Variants in PCCB observed in about 807,000 individuals in gnomAD.
PCCB encodes propionyl-CoA carboxylase beta chain, mitochondrial.
PCCB carries 43 observed loss-of-function variants against 60.7 expected under a neutral mutation model. That is an observed-to-expected ratio of 0.71 (90% CI 0.55 to 0.91). The LOEUF (loss-of-function observed/expected upper bound fraction) is 0.91. Among genes scored for constraint, PCCB ranks in the 40% least tolerant of loss-of-function variants. The pLI, the probability that PCCB is intolerant of heterozygous loss-of-function variation, is 0.00. For missense variants in PCCB, 766 were observed against 702.8 expected (o/e 1.09, Z -1.02); for synonymous variants, 276 against 255.9 (o/e 1.08, Z -0.75).
chr3:136,255,074 C>A (rs1318378369), intron 1 of PCCB, among the ~76,000 whole-genome samples: 1 of 151,944 alleles, frequency 6.6e-6, no homozygotes, highest in Non-Finnish European at 1.5e-5. Flanking sequence ...TGGGGTTTCT[C>A]CATGTTGGTC....
In PCCB at chr3:136,263,425, C is replaced by T. The variant is rs541794212; in HGVS notation, c.543+1360C>T. Among the ~76,000 whole-genome samples, 4 of 151,912 alleles carry T rather than the reference C, an allele frequency of 2.6e-5. No homozygotes were observed. In the South Asian group the frequency reaches 8.3e-4, roughly 32 times the overall value. On this transcript the variant is annotated intron_variant, in intron 5 of 14. Coordinates refer to ENST00000251654, the MANE Select transcript of PCCB (RefSeq NM_000532.5). The stretch of plus-strand genomic sequence containing the variant: ...GCACCACAGGCATGCACCACCACAT[C>T]CGGTGAATTTTTTTTTGTATTTTTT...
chr3:136,328,647 C>T, intron 13 of PCCB, 111 bp from the exon 14 acceptor site: 1 of 824,976 alleles, frequency 1.2e-6, no homozygotes, highest in Non-Finnish European at 2.1e-6. Flanking sequence ...CACTTCCCCT[C>T]AGTACACTGA....
rs1269413374 is a variant in PCCB at position 136,293,837 on chromosome 3, G to A, written c.736G>A (p.Gly246Ser). 6.2e-7 allele frequency: 1 copy of A among 1,610,172 alleles called. No homozygotes were observed. Residue 246 changes from glycine to serine, a missense_variant, in exon 7 of 15, where the codon GGT becomes AGT. Gly to Ser is a moderately conservative substitution (Grantham distance 56). Coordinates refer to ENST00000251654, the MANE Select transcript of PCCB (RefSeq NM_000532.5). ...GGATGTTACCCAGGAGGAGCTCGGT[G>A]GTGCCAAGACCCACACCACCATGTC... ...NEDVTQEELGGAKTHTTMSGV... is the reference protein window; with the variant it reads ...NEDVTQEELGSAKTHTTMSGV...
intron 5 of PCCB, among the ~76,000 whole-genome samples, chr3:136,283,442 T>G (rs148687049): frequency 2.0e-5 from 3 of 152,214 alleles, no homozygotes; most frequent in Admixed American, 2.0e-4. Flanking sequence ...GGTGCCAAGA[T>G]AAGTGTTGGC....
At chr3:136,300,062 A>G (rs901284077) in intron 8 of PCCB, among the ~76,000 whole-genome samples, 2 of 151,466 alleles carry the variant, frequency 1.3e-5, no homozygotes, top group Non-Finnish European at 2.9e-5. Context: ...ACACATGCAT[A>G]TCAACACATA....
chr3:136,263,648 G>A (rs1396740056), intron 5 of PCCB, among the ~76,000 whole-genome samples: 1 of 152,046 alleles, frequency 6.6e-6, no homozygotes, highest in Non-Finnish European at 1.5e-5. Context: ...AATGCTGCTT[G>A]TCATATTGAT....
chr3:136,274,388 T>C (rs1410248673), intron 5 of PCCB, among the ~76,000 whole-genome samples: 1 of 152,178 alleles, frequency 6.6e-6, no homozygotes, highest in Non-Finnish European at 1.5e-5. Context: ...GAAACTTAGT[T>C]TTGCTGGATG....
chr3:136,326,988 C>A lies in PCCB; in HGVS notation c.1198+78C>A, dbSNP rs773113049. The A allele has an allele frequency of 2.6e-6, 3 of 1,146,804 alleles. No individual in the cohort carries two copies. The South Asian group carries it at 3.7e-5, about 14-fold the overall frequency. The allele number at this position is 1,146,804 out of a possible 1,614,324, so 71.0% of individuals were successfully genotyped here. ...CCCACTTTATTTGGAGATCTTCTTG[C>A]AGAACTCCCCGAGGACTTGTGACTT... On this transcript the variant is annotated intron_variant, in intron 11 of 14. Transcript: ENST00000251654.
At chr3:136,261,196 A>T (rs1329194304) in intron 4 of PCCB, among the ~76,000 whole-genome samples, 2 of 152,228 alleles carry the variant, frequency 1.3e-5, no homozygotes, top group African/African-American at 4.8e-5. Flanking sequence ...TTGTATGCTG[A>T]TATTTAAAAA....
Position 136,330,140 on chromosome 3 carries a change from TAA to T in PCCB, c.*115_*116del. The T allele has an allele frequency of 1.3e-6, 2 of 1,561,484 alleles. No homozygotes were observed. The highest frequency in any genetic ancestry group is 3.4e-5 in the Admixed American group (2 of 58,402). The stretch of plus-strand genomic sequence containing the variant: ...ATCCAAATAGTTGGATAACTTAGAA[TAA>T]CTAAGTTTATTAAATTCTAGAAAGA... On this transcript the variant is annotated 3_prime_UTR_variant, in exon 15 of 15. Transcript: ENST00000251654.
intron 8 of PCCB, among the ~76,000 whole-genome samples, chr3:136,299,549 T>C (rs1273020539): frequency 9.1e-6 from 1 of 109,350 alleles, no homozygotes; most frequent in African/African-American, 4.5e-5. Flanking sequence ...TGTATAGGTA[T>C]GCATGTGTAT....
intron 5 of PCCB, among the ~76,000 whole-genome samples, chr3:136,268,465 G>GTT (rs535168208): frequency 0.031 from 4,175 of 133,200 alleles, 127 homozygotes; most frequent in Non-Finnish European, 0.036. Context: ...CTCCAACTTG[G>GTT]TTTTTTTTTT....
chr3:136,303,240 T>C (rs1934352076), intron 9 of PCCB, among the ~76,000 whole-genome samples: 1 of 123,062 alleles, frequency 8.1e-6, no homozygotes, highest in African/African-American at 2.5e-5. Flanking sequence ...TTAGCAAGAC[T>C]GCTGTCAGTG....
chr3:136,277,321 A>C (rs534764417), intron 5 of PCCB, among the ~76,000 whole-genome samples: 1 of 152,174 alleles, frequency 6.6e-6, no homozygotes, highest in Non-Finnish European at 1.5e-5. Context: ...TATTCTACCT[A>C]GAGATGCTGT....
chr3:136,328,911 T>C, intron 14 of PCCB, 54 bp downstream of exon 14: 1 of 1,368,522 alleles, frequency 7.3e-7, no homozygotes, highest in Non-Finnish European at 1.0e-6. Flanking sequence ...ACTTGCTCAT[T>C]CTTTCTCTAC....
Position 136,250,371 on chromosome 3 carries a change from C to CA in PCCB, c.1dup. 1 of 1,522,486 alleles carries CA rather than the reference C, an allele frequency of 6.6e-7. No homozygotes were observed. The highest frequency in any genetic ancestry group is 8.8e-7 in the Non-Finnish European group (1 of 1,130,968). 94.3% of individuals were successfully genotyped at this position (1,522,486 alleles called of 1,614,324 possible). ...GCCGGTAGGGGACGCGCCGGCACAG[C>CA]AAAAATGGCGGCGGCATTACGGGTG... On this transcript the variant is annotated 5_prime_UTR_variant, in exon 1 of 15. Transcript: ENST00000251654.
rs202034497 is a variant in PCCB, at chr3:136,270,505, A to AT, written c.543+8451dup. Among the ~76,000 whole-genome samples, 268 of 147,574 alleles carry AT rather than the reference A, an allele frequency of 1.8e-3. 1 individual carries two copies. Among genetic ancestry groups the AT allele is most frequent in the African/African-American group, 5.3e-3 (215 of 40,432 alleles). On this transcript the variant is annotated intron_variant, in intron 5 of 14. Transcript: ENST00000251654. The stretch of plus-strand genomic sequence containing the variant: ...CCGGCCACATCTGTTGTTTTTTGAC[A>AT]TTTTTTTTTTTCCCGCTGTAGGCAG...
At chr3:136,300,661 C>T (rs761347987) in intron 8 of PCCB, among the ~76,000 whole-genome samples, 70 of 152,136 alleles carry the variant, frequency 4.6e-4, no homozygotes, top group Admixed American at 7.2e-4. Context: ...TTTAATGTTC[C>T]AGGAAGTTGG....
intron 5 of PCCB, among the ~76,000 whole-genome samples, chr3:136,267,091 C>T (rs1308074881): frequency 1.3e-5 from 2 of 152,064 alleles, no homozygotes; most frequent in African/African-American, 4.8e-5. Flanking sequence ...CACCATGTTG[C>T]CCAGGCTGGT....
Sources: gnomAD v4.1 joint callset for allele counts (sites outside exome capture counted in the v4.1 genomes callset) on GRCh38, gnomAD v4.1.1 for gene constraint, MANE v1.5 for transcripts, NCBI Gene and HGNC (gene_info 2026-07-23, HGNC 2026-07-21) for gene names.